Variants in SLC2A5 observed in about 807,000 individuals in gnomAD.
SLC2A5 encodes solute carrier family 2, facilitated glucose transporter member 5.
In SLC2A5, 56 loss-of-function variants were observed where a neutral mutation model predicts 50.3. The ratio of observed to expected loss-of-function variants is 1.11; its 90% CI spans 0.90 to 1.39. The LOEUF is 1.39. SLC2A5 is among the 40% of genes most tolerant of loss of function. SLC2A5 has a pLI of 0.00. For synonymous variants in SLC2A5, 269 were observed against 281.9 expected (o/e 0.95, Z 0.46); for missense variants, 566 against 650.1 (o/e 0.87, Z 1.41).
chr1:9,058,105 G>A (rs771683220), intron 2 of SLC2A5, 47 bp downstream of exon 2: 1 of 1,436,806 alleles, frequency 7.0e-7, no homozygotes, highest in Non-Finnish European at 9.8e-7. Flanking sequence ...CAGGCAATGG[G>A]CTGCTCCAAA....
At chr1:9,038,075 C>T in intron 10 of SLC2A5, 51 bp from the exon 11 acceptor site, 1 of 1,598,802 alleles carries the variant, frequency 6.3e-7, no homozygotes, top group Non-Finnish European at 8.5e-7. Context: ...GCCCGAGCAT[C>T]CCAGGCCTGG....
At chr1:9,082,235 G>T (rs548652902) in intron 2 of SLC2A5, among the ~76,000 whole-genome samples, 6 of 152,224 alleles carry the variant, frequency 3.9e-5, no homozygotes, top group Admixed American at 2.6e-4. Context: ...ATATGACCTA[G>T]CAATTCTACT....
upstream of SLC2A5, among the ~76,000 whole-genome samples, chr1:9,090,096 T>C (rs956795519): frequency 6.6e-6 from 1 of 152,154 alleles, no homozygotes; most frequent in African/African-American, 2.4e-5. Context: ...TCACCCTCAC[T>C]CTTTTTTGGT....
chr1:9,079,138 C>G (rs924077448), intron 2 of SLC2A5, among the ~76,000 whole-genome samples: 6 of 152,176 alleles, frequency 3.9e-5, no homozygotes, highest in African/African-American at 1.4e-4. Context: ...AGAAAACGTG[C>G]GCCTTCCAAG....
chr1:9,087,193 G>A (rs1453192726), intron 1 of SLC2A5, among the ~76,000 whole-genome samples: 1 of 150,340 alleles, frequency 6.7e-6, no homozygotes, highest in Non-Finnish European at 1.5e-5. Flanking sequence ...CACATTTTGT[G>A]TTTCTTACTT....
chr1:9,055,926 GAA>G (rs770180239), intron 3 of SLC2A5, among the ~76,000 whole-genome samples: 1 of 152,080 alleles, frequency 6.6e-6, no homozygotes, highest in Non-Finnish European at 1.5e-5. Flanking sequence ...AAAAAATAAA[GAA>G]ATAAATAACA....
At chr1:9,051,631 C>T (rs1641579852) in intron 3 of SLC2A5, among the ~76,000 whole-genome samples, 1 of 152,176 alleles carries the variant, frequency 6.6e-6, no homozygotes, top group Non-Finnish European at 1.5e-5. Flanking sequence ...AGAACTCTGA[C>T]AACACCAAAT....
intron 2 of SLC2A5, among the ~76,000 whole-genome samples, chr1:9,080,455 C>G (rs1375703738): frequency 6.6e-6 from 1 of 152,194 alleles, no homozygotes; most frequent in Non-Finnish European, 1.5e-5. Context: ...TTCAATTTCT[C>G]CACATCCTCA....
intron 2 of SLC2A5, among the ~76,000 whole-genome samples, chr1:9,078,962 G>T (rs116669356): frequency 7.8e-4 from 119 of 152,304 alleles, no homozygotes; most frequent in African/African-American, 2.7e-3. Context: ...CACAGGCAGT[G>T]TATCTCGTCT....
intron 1 of SLC2A5, among the ~76,000 whole-genome samples, chr1:9,060,181 C>CAT (rs1641888605): frequency 6.7e-6 from 1 of 148,526 alleles, no homozygotes; most frequent in Non-Finnish European, 1.5e-5. Flanking sequence ...ATACACAATA[C>CAT]ACACACTACA....
Position 9,068,018 on chromosome 1 carries a change from C to A in SLC2A5, c.33+1486G>T, listed in dbSNP as rs926205361. Among the ~76,000 whole-genome samples, 6 of 151,706 alleles carry A rather than the reference C, an allele frequency of 4.0e-5. No individual in the cohort carries two copies. In the East Asian group the frequency reaches 1.2e-3, roughly 29 times the overall value. ...CAGCCTGGCCAACATGGTGAAACCC[C>A]ATCTCTACTAAAAATACAAAAATTA... On this transcript the variant is annotated intron_variant, in intron 1 of 11. Coordinates refer to ENST00000377424, the MANE Select transcript of SLC2A5 (RefSeq NM_003039.3).
intron 2 of SLC2A5, among the ~76,000 whole-genome samples, chr1:9,079,098 C>T (rs11121318): frequency 0.21 from 31,430 of 151,972 alleles, 3,363 homozygotes; most frequent in East Asian, 0.3. Context: ...GCCACCTGGC[C>T]GCCGGAACCC....
At chr1:9,083,595 G>T (rs1420367965) in intron 2 of SLC2A5, among the ~76,000 whole-genome samples, 13 of 152,060 alleles carry the variant, frequency 8.5e-5, no homozygotes, top group African/African-American at 2.9e-4. Context: ...GGTTGAGGTG[G>T]GCAGATCACC....
intron 1 of SLC2A5, among the ~76,000 whole-genome samples, chr1:9,064,792 C>T (rs1009571078): frequency 1.3e-5 from 2 of 152,160 alleles, no homozygotes; most frequent in Non-Finnish European, 2.9e-5. Flanking sequence ...TGGCTCACAC[C>T]TGTAATCCCA....
rs77511432 is a variant in SLC2A5 at position 9,058,188 on chromosome 1, A to G, written c.96T>C (p.Tyr32=). ...AGTTGACAGCAGCCACGTTGTACCC[A>G]TACTGGAAGGATGACCCAAAGGCAG... ...LIAAFGSSFQ[Y]GYNVAAVNSP... Residue 32 remains tyrosine, a synonymous_variant, in exon 2 of 12, where the codon TAT becomes TAC. Transcript: ENST00000377424. The G allele has an allele frequency of 3.1e-6, 5 of 1,614,018 alleles. No individual in the cohort carries two copies. The African/African-American group carries it at 5.3e-5, about 17-fold the overall frequency.
rs993319031 is a variant in SLC2A5, at chr1:9,039,081, G to C, written c.997-152C>G. 8 of 972,686 alleles carry C rather than the reference G, an allele frequency of 8.2e-6. No homozygotes were observed. In the African/African-American group the frequency reaches 1.1e-4, roughly 14 times the overall value. 60.3% of individuals were successfully genotyped at this position (972,686 alleles called of 1,614,324 possible). ...ATTCACATGTGCAAGACATGCCCTT[G>C]GGCAGCCAGCGGGAAGTCGGCTGTG... On this transcript the variant is annotated intron_variant, in intron 8 of 11. Coordinates refer to ENST00000377424, the MANE Select transcript of SLC2A5 (RefSeq NM_003039.3).
At chr1:9,084,163 A>C (rs968376789) in intron 2 of SLC2A5, among the ~76,000 whole-genome samples, 13 of 152,162 alleles carry the variant, frequency 8.5e-5, no homozygotes, top group Admixed American at 7.9e-4. Context: ...AATAATAATA[A>C]TACTAAACCC....
chr1:9,041,623 A>G lies in SLC2A5; in HGVS notation c.571+162T>C, dbSNP rs557963443. On this transcript the variant is annotated intron_variant, in intron 5 of 11. Coordinates refer to ENST00000377424, the MANE Select transcript of SLC2A5 (RefSeq NM_003039.3). ...ATCGCGCCTTTGTCCATGGCCTGCT[A>G]TGTTGGCTCGGGACAGGATGGGCCC... The G allele has an allele frequency of 1.8e-4, 260 of 1,478,610 alleles. 1 individual carries two copies. In the African/African-American group the frequency reaches 2.7e-3, roughly 15 times the overall value. The allele number at this position is 1,478,610 out of a possible 1,614,324, so 91.6% of individuals were successfully genotyped here.
In SLC2A5 at chr1:9,038,861, G is replaced by A. The variant is rs771880959; in HGVS notation, c.1065C>T (p.Ala355=). ...LLLGFSICLI[A]CCVLTAALAL... is the part of the protein sequence containing the mutation. ...CCAGAGCTGCAGTGAGCACGCAGCA[G>A]GCTATGAGGCAGATGGAGAAGCCCA... Residue 355 remains alanine, a synonymous_variant, in exon 9 of 12, where the codon GCC becomes GCT. Transcript: ENST00000377424. The A allele has an allele frequency of 6.2e-7, 1 of 1,612,652 alleles. No homozygotes were observed. Among genetic ancestry groups the A allele is most frequent in the Non-Finnish European group, 8.5e-7 (1 of 1,179,834 alleles).
Sources: gnomAD v4.1 joint callset for allele counts (sites outside exome capture counted in the v4.1 genomes callset) on GRCh38, gnomAD v4.1.1 for gene constraint, MANE v1.5 for transcripts, NCBI Gene and HGNC (gene_info 2026-07-23, HGNC 2026-07-21) for gene names.